The following CCDC148 variants were observed in gnomAD, a reference collection of about 807,000 sequenced individuals.
CCDC148 encodes the protein coiled-coil domain containing 148, also known as coiled-coil domain-containing protein 148.
Under a neutral mutation model 85.7 loss-of-function variants are expected in CCDC148, and 89 were observed. The ratio of observed to expected loss-of-function variants is 1.04; its 90% CI spans 0.87 to 1.24. The LOEUF is 1.24. Among genes scored for constraint, CCDC148 ranks in the 50% most tolerant of loss-of-function variants. CCDC148 has a pLI of 0.00. For missense variants in CCDC148, 692 were observed against 671.7 expected (o/e 1.03, Z -0.33); for synonymous variants, 230 against 213.9 (o/e 1.08, Z -0.66).
intron 10 of CCDC148, among the ~76,000 whole-genome samples, chr2:158,229,437 A>G (rs1687741428): frequency 1.3e-5 from 2 of 152,220 alleles, no homozygotes; most frequent in African/African-American, 2.4e-5. Flanking sequence ...ACATAATTGT[A>G]GGAACTAGTA....
chr2:158,209,515 G>A (rs570141425), intron 11 of CCDC148, among the ~76,000 whole-genome samples: 1 of 152,140 alleles, frequency 6.6e-6, no homozygotes, highest in African/African-American at 2.4e-5. Context: ...TGCTGTGGAA[G>A]ACCTGCAAAG....
At chr2:158,196,990 A>G (rs1475595601) in intron 11 of CCDC148, among the ~76,000 whole-genome samples, 1 of 152,206 alleles carries the variant, frequency 6.6e-6, no homozygotes, top group East Asian at 1.9e-4. Context: ...AGTCCTTAAG[A>G]GGGAATTCAG....
At chr2:158,401,454 A>G (rs1249923343) in intron 1 of CCDC148, among the ~76,000 whole-genome samples, 2 of 152,314 alleles carry the variant, frequency 1.3e-5, no homozygotes, top group African/African-American at 4.8e-5. Flanking sequence ...ACGAAGACAG[A>G]AAACCAAACA....
chr2:158,202,107 C>A (rs1685995357), intron 11 of CCDC148, among the ~76,000 whole-genome samples: 1 of 152,058 alleles, frequency 6.6e-6, no homozygotes, highest in Admixed American at 6.6e-5. Flanking sequence ...TCTTCCTTTG[C>A]TTGAAATTTT....
chr2:158,278,013 G>A (rs936025695), intron 9 of CCDC148, among the ~76,000 whole-genome samples: 29 of 152,270 alleles, frequency 1.9e-4, no homozygotes, highest in Admixed American at 1.8e-3. Context: ...CCACTACACT[G>A]TGTTTGGTAA....
At chr2:158,410,123 A>C (rs745981602) in intron 1 of CCDC148, among the ~76,000 whole-genome samples, 10 of 152,178 alleles carry the variant, frequency 6.6e-5, no homozygotes, top group Non-Finnish European at 1.5e-4. Flanking sequence ...GACCTCCTCT[A>C]GAACAGTTTT....
At chr2:158,254,382 G>A (rs1370324144) in intron 9 of CCDC148, among the ~76,000 whole-genome samples, 2 of 151,696 alleles carry the variant, frequency 1.3e-5, no homozygotes, top group Non-Finnish European at 3.0e-5. Context: ...AGATTATATG[G>A]TGCTTGTGAT....
At chr2:158,229,970 C>T (rs1687770746) in intron 10 of CCDC148, among the ~76,000 whole-genome samples, 1 of 152,160 alleles carries the variant, frequency 6.6e-6, no homozygotes, top group Non-Finnish European at 1.5e-5. Flanking sequence ...GGTATTCCTA[C>T]CTCTGTACTC....
chr2:158,244,791 C>T (rs577598214), intron 10 of CCDC148, among the ~76,000 whole-genome samples: 4 of 152,128 alleles, frequency 2.6e-5, no homozygotes, highest in Admixed American at 6.6e-5. Context: ...TTATACAGGC[C>T]ACGGCTGGAG....
intron 1 of CCDC148, among the ~76,000 whole-genome samples, chr2:158,396,806 C>CTAT (rs908562471): frequency 4.6e-5 from 7 of 151,986 alleles, no homozygotes; most frequent in Non-Finnish European, 1.0e-4. Context: ...ACTACTACTA[C>CTAT]TATTATTATT....
At chr2:158,363,288 G>T (rs1684049380) in intron 1 of CCDC148, among the ~76,000 whole-genome samples, 2 of 152,154 alleles carry the variant, frequency 1.3e-5, no homozygotes, top group South Asian at 4.1e-4. Context: ...AACAGAAAAA[G>T]AGGGAATCCT....
intron 9 of CCDC148, among the ~76,000 whole-genome samples, chr2:158,277,376 T>G (rs6720142): frequency 3.9e-5 from 6 of 151,922 alleles, no homozygotes; most frequent in Non-Finnish European, 8.8e-5. Context: ...TCACACCTAC[T>G]GAGAATGTTC....
chr2:158,241,634 C>G (rs1688355446), intron 10 of CCDC148, among the ~76,000 whole-genome samples: 1 of 152,074 alleles, frequency 6.6e-6, no homozygotes. Flanking sequence ...TTAATGCCCC[C>G]TTTGGAATTA....
chr2:158,453,208 G>C (rs1416912069), intron 1 of CCDC148, among the ~76,000 whole-genome samples: 1 of 152,188 alleles, frequency 6.6e-6, no homozygotes, highest in Non-Finnish European at 1.5e-5. Flanking sequence ...AGGGGAAAAG[G>C]CTCACACAAA....
intron 11 of CCDC148, among the ~76,000 whole-genome samples, chr2:158,217,686 G>C (rs146299721): frequency 6.6e-6 from 1 of 152,104 alleles, no homozygotes; most frequent in Non-Finnish European, 1.5e-5. Flanking sequence ...TTATAGGCAT[G>C]AGCCACCGCA....
chr2:158,254,415 A>C (rs1688926939), intron 9 of CCDC148, among the ~76,000 whole-genome samples: 1 of 151,712 alleles, frequency 6.6e-6, no homozygotes, highest in Non-Finnish European at 1.5e-5. Flanking sequence ...TTCAAGGGGC[A>C]GGAGGGAGTA....
chr2:158,184,323 C>A (rs1453314532), intron 11 of CCDC148, among the ~76,000 whole-genome samples: 1 of 152,036 alleles, frequency 6.6e-6, no homozygotes, highest in Non-Finnish European at 1.5e-5. Flanking sequence ...GCTATTGGAA[C>A]CCCATCTTTT....
chr2:158,313,708 T>C (rs748301296), intron 8 of CCDC148, 48 bp downstream of exon 8: 2 of 1,555,292 alleles, frequency 1.3e-6, no homozygotes. Flanking sequence ...AATTATTGAC[T>C]ACTAAAACAA....
intron 1 of CCDC148, among the ~76,000 whole-genome samples, chr2:158,455,282 T>C (rs959994949): frequency 6.6e-6 from 1 of 152,114 alleles, no homozygotes; most frequent in Non-Finnish European, 1.5e-5. Flanking sequence ...CCTTCTCAAT[T>C]CTGAAAATAT....
Sources: allele counts gnomAD v4.1 joint callset (sites outside exome capture counted in the v4.1 genomes callset), GRCh38; gene constraint gnomAD v4.1.1; transcripts MANE v1.5; gene names NCBI Gene and HGNC (gene_info 2026-07-23, HGNC 2026-07-21).